The following FKBP14 variants were observed in gnomAD, a reference collection of about 807,000 sequenced individuals.
FKBP14 encodes FKBP prolyl isomerase 14.
FKBP14 carries 20 observed loss-of-function variants against 21.6 expected under a neutral mutation model. The observed-to-expected ratio is 0.92, with a 90% CI of 0.65 to 1.34. The LOEUF (loss-of-function observed/expected upper bound fraction) is 1.34. Ranked by LOEUF, FKBP14 falls within the 40% of genes most tolerant of loss-of-function variation. FKBP14 has a pLI of 0.00. For synonymous variants in FKBP14, 79 were observed against 86.7 expected, an observed-to-expected ratio of 0.91 and a Z score of 0.49; for missense variants, 253 against 249.0, an observed-to-expected ratio of 1.02 and a Z score of -0.11.
intron 3 of FKBP14, among the ~76,000 whole-genome samples, chr7:30,015,882 C>T (rs962419367): frequency 1.2e-4 from 18 of 152,044 alleles, no homozygotes; most frequent in Admixed American, 1.2e-3. Flanking sequence ...GCCTCGGCCT[C>T]CCAAAGTGCT....
intron 3 of FKBP14, among the ~76,000 whole-genome samples, chr7:30,016,732 AT>A (rs756827437): frequency 5.9e-5 from 9 of 152,130 alleles, no homozygotes; most frequent in Non-Finnish European, 1.0e-4. Context: ...AAATATAAAT[AT>A]TGTTTTCAAT....
chr7:30,025,105 A>G (rs920575633), intron 1 of FKBP14, among the ~76,000 whole-genome samples: 2 of 152,178 alleles, frequency 1.3e-5, no homozygotes, highest in African/African-American at 2.4e-5. Context: ...CTGAATGCCC[A>G]GTAAAGGCAG....
rs1470367381 is a variant in FKBP14, at chr7:30,012,662, G to T, written c.*2073C>A. The T allele has an allele frequency of 2.0e-5, 3 of 152,218 alleles. No individual in the cohort carries two copies. The highest frequency in any genetic ancestry group is 4.4e-5 in the Non-Finnish European group (3 of 68,034). 9.4% of individuals were successfully genotyped at this position (152,218 alleles called of 1,614,324 possible). ...TTAAACAACAAATGGGGGTAAATAT[G>T]AATGAAAGAAGTAAAACACATCTGG... is the stretch of plus-strand genomic sequence containing the variant. On this transcript the variant is annotated 3_prime_UTR_variant, in exon 4 of 4. Coordinates refer to ENST00000222803, the MANE Select transcript of FKBP14 (RefSeq NM_017946.4).
downstream of FKBP14, among the ~76,000 whole-genome samples, chr7:30,010,274 A>G (rs1248127705): frequency 6.6e-6 from 1 of 152,186 alleles, no homozygotes; most frequent in Non-Finnish European, 1.5e-5. Flanking sequence ...AACAGTGATA[A>G]TAACCATCAC....
Position 30,018,001 on chromosome 7 carries a change from A to ATAAT in FKBP14, c.477+994_477+995insATTA, listed in dbSNP as rs976256428. ...ACAGAGCAAGACTCCCTCTCAGGAA[A>ATAAT]TAAATAAATAAATAAATAAATAAAT... On this transcript the variant is annotated intron_variant, in intron 3 of 3. Coordinates refer to ENST00000222803, the MANE Select transcript of FKBP14 (RefSeq NM_017946.4). Among the ~76,000 whole-genome samples the ATAAT allele has an allele frequency of 4.8e-3, 14 of 2,924 alleles. 1 individual carries two copies. The highest frequency in any genetic ancestry group is 0.017 in the African/African-American group (13 of 774). 1.9% of individuals were successfully genotyped at this position (2,924 alleles called of 152,430 possible). A position where few individuals can be genotyped will look rare whatever the true frequency, so the allele number is the denominator to read the frequency against.
At chr7:30,008,209 G>T (rs1789647877), downstream of FKBP14, 1 of 152,204 alleles carries the variant, frequency 6.6e-6, no homozygotes, top group African/African-American at 2.4e-5. Flanking sequence ...ACTAAGGTGT[G>T]TGTCTCATTT....
intron 3 of FKBP14, 64 bp downstream of exon 3, chr7:30,018,928 CAAAA>C: frequency 6.5e-7 from 1 of 1,528,378 alleles, no homozygotes; most frequent in Non-Finnish European, 8.8e-7. Context: ...GTTACAAAAA[CAAAA>C]CAAAACAAAA....
intron 3 of FKBP14, among the ~76,000 whole-genome samples, chr7:30,018,120 TTGGA>T (rs949938245): frequency 2.6e-5 from 4 of 152,334 alleles, no homozygotes; most frequent in South Asian, 2.1e-4. Flanking sequence ...AAAATTTATC[TTGGA>T]TGGAAGAAAA....
At chr7:30,025,450 C>T (rs183791820) in intron 1 of FKBP14, 1 of 152,232 alleles carries the variant, frequency 6.6e-6, no homozygotes, top group Non-Finnish European at 1.5e-5. Context: ...CAGGACCTGA[C>T]TTGTGACCAT....
chr7:30,020,346 C>A, intron 2 of FKBP14: 1 of 1,088,982 alleles, frequency 9.2e-7, no homozygotes, highest in Non-Finnish European at 1.2e-6. Context: ...AAATTAGTTT[C>A]ATGGCATTCA....
chr7:30,018,896 CACATATTCATTTAAAAA>C, intron 3 of FKBP14, 83 bp downstream of exon 3: 2 of 1,192,596 alleles, frequency 1.7e-6, no homozygotes, highest in Non-Finnish European at 2.4e-6. Context: ...TTGAAATATA[CACATATTCATTTAAAAA>C]GTGAGTTACA....
rs1789764547 is a variant in FKBP14, at chr7:30,012,432, C to G, written c.*2303G>C. Reference sequence around the variant, plus strand: ...ACCATCGGACAAACTACTTTCCCTTCTCCCATCATAGAGTATAAGGCTGTC... The same window carrying G: ...ACCATCGGACAAACTACTTTCCCTTGTCCCATCATAGAGTATAAGGCTGTC... On this transcript the variant is annotated 3_prime_UTR_variant, in exon 4 of 4. Coordinates refer to ENST00000222803, the MANE Select transcript of FKBP14 (RefSeq NM_017946.4). The G allele has an allele frequency of 6.6e-6, 1 of 152,216 alleles. No homozygotes were observed. The highest frequency in any genetic ancestry group is 2.1e-4 in the South Asian group (1 of 4,830). 9.4% of individuals were successfully genotyped at this position (152,216 alleles called of 1,614,324 possible). A position where few individuals can be genotyped will look rare whatever the true frequency, so the allele number is the denominator to read the frequency against.
intron 1 of FKBP14, among the ~76,000 whole-genome samples, chr7:30,024,662 C>T (rs28716633): frequency 6.6e-6 from 1 of 152,196 alleles, no homozygotes; most frequent in Non-Finnish European, 1.5e-5. Context: ...TCCCAAAGTG[C>T]TGGGATTACA....
At chr7:30,021,787 T>C (rs1174876386) in intron 2 of FKBP14, among the ~76,000 whole-genome samples, 2 of 152,162 alleles carry the variant, frequency 1.3e-5, no homozygotes, top group African/African-American at 4.8e-5. Context: ...ACTCCTGACC[T>C]CAAGTGATCC....
intron 3 of FKBP14, among the ~76,000 whole-genome samples, chr7:30,016,651 C>T (rs559511643): frequency 2.0e-5 from 3 of 152,258 alleles, no homozygotes; most frequent in Admixed American, 2.0e-4. Context: ...GCCTTGGCCT[C>T]CCAAAGTGCT....
intron 2 of FKBP14, among the ~76,000 whole-genome samples, chr7:30,019,333 C>G (rs560751253): frequency 6.6e-6 from 1 of 152,024 alleles, no homozygotes; most frequent in East Asian, 1.9e-4. Flanking sequence ...CAAAAGCATT[C>G]TATCTTTGGC....
Position 30,013,676 on chromosome 7 carries a change from G to C in FKBP14, c.*1059C>G, listed in dbSNP as rs147520798. 2.0e-5 allele frequency: 3 copies of C among 152,214 alleles called. No homozygotes were observed. In the East Asian group the frequency reaches 5.8e-4, roughly 29 times the overall value. The allele number at this position is 152,214 out of a possible 1,614,324, so 9.4% of individuals were successfully genotyped here. A position where few individuals can be genotyped will look rare whatever the true frequency, so the allele number is the denominator to read the frequency against. On this transcript the variant is annotated 3_prime_UTR_variant, in exon 4 of 4. Transcript: ENST00000222803. ...ATTAAAGAACCAGGAAGGATATTCCGCTAGCCTTAAGAAGTAAATATTGAA... is the reference window on the plus strand; with the variant it reads ...ATTAAAGAACCAGGAAGGATATTCCCCTAGCCTTAAGAAGTAAATATTGAA...
chr7:30,009,118 G>A (rs1216257852), downstream of FKBP14, among the ~76,000 whole-genome samples: 1 of 152,056 alleles, frequency 6.6e-6, no homozygotes, highest in Non-Finnish European at 1.5e-5. Flanking sequence ...AAATTCTTAT[G>A]TCCAAGTGCT....
chr7:30,007,208 TTTG>T (rs1253835740), downstream of FKBP14, among the ~76,000 whole-genome samples: 29 of 93,422 alleles, frequency 3.1e-4, no homozygotes, highest in African/African-American at 1.3e-3. Context: ...AAAAAGTTCC[TTTG>T]TTTTTTTTTT....
Sources: gnomAD v4.1 joint callset for allele counts (sites outside exome capture counted in the v4.1 genomes callset) on GRCh38, gnomAD v4.1.1 for gene constraint, MANE v1.5 for transcripts, NCBI Gene and HGNC (gene_info 2026-07-23, HGNC 2026-07-21) for gene names.